RIMS2: variants seen among roughly 807,000 people sequenced by gnomAD.
RIMS2 encodes regulating synaptic membrane exocytosis protein 2.
In RIMS2, 59 loss-of-function variants were observed where a neutral mutation model predicts 174.4. The ratio of observed to expected loss-of-function variants is 0.34; its 90% CI spans 0.27 to 0.42. The LOEUF (loss-of-function observed/expected upper bound fraction) is 0.42, where lower values mean the gene tolerates loss of function less well. RIMS2 is among the 10% of genes least tolerant of loss of function. RIMS2 has a pLI of 1.00. For missense variants in RIMS2, 1,620 were observed against 1,666.3 expected, an observed-to-expected ratio of 0.97 and a Z score of 0.48; for synonymous variants, 606 against 572.5, an observed-to-expected ratio of 1.06 and a Z score of -0.84.
intron 1 of RIMS2, among the ~76,000 whole-genome samples, chr8:103,516,496 C>T (rs892615272): frequency 6.6e-6 from 1 of 151,820 alleles, no homozygotes; most frequent in African/African-American, 2.4e-5. Flanking sequence ...ACGAATGACT[C>T]TCTTGGTAAT....
At chr8:103,819,747 T>A in intron 3 of RIMS2, 1 of 695,580 alleles carries the variant, frequency 1.4e-6, no homozygotes, top group East Asian at 3.0e-5. Context: ...ATCTGTTTAC[T>A]GTAAATATAA....
chr8:103,591,619 A>C (rs1219870797), intron 1 of RIMS2, among the ~76,000 whole-genome samples: 1 of 151,112 alleles, frequency 6.6e-6, no homozygotes, highest in South Asian at 2.1e-4. Flanking sequence ...TCCTTTTAAA[A>C]ATTTTTTCCA....
intron 1 of RIMS2, among the ~76,000 whole-genome samples, chr8:103,633,468 T>C (rs1463108866): frequency 6.6e-6 from 1 of 152,154 alleles, no homozygotes; most frequent in East Asian, 1.9e-4. Flanking sequence ...TTTTATATCA[T>C]GTTCATCAAC....
At chr8:103,820,222 A>G (rs866974823) in intron 3 of RIMS2, among the ~76,000 whole-genome samples, 2 of 152,100 alleles carry the variant, frequency 1.3e-5, no homozygotes, top group Admixed American at 6.6e-5. Context: ...AGGCTGTTAA[A>G]TTATGAACAT....
chr8:104,099,874 TG>T (rs2097840658), intron 19 of RIMS2, among the ~76,000 whole-genome samples: 1 of 151,792 alleles, frequency 6.6e-6, no homozygotes, highest in Admixed American at 6.6e-5. Flanking sequence ...TGGAGTACAG[TG>T]GTGCAATCAT....
intron 1 of RIMS2, among the ~76,000 whole-genome samples, chr8:103,553,569 T>A (rs1366933555): frequency 6.6e-6 from 1 of 151,980 alleles, no homozygotes; most frequent in Non-Finnish European, 1.5e-5. Flanking sequence ...CATGTTGTGC[T>A]CATGTACCTT....
At chr8:104,224,796 A>G (rs2099175337) in intron 19 of RIMS2, among the ~76,000 whole-genome samples, 1 of 151,922 alleles carries the variant, frequency 6.6e-6, no homozygotes, top group Non-Finnish European at 1.5e-5. Context: ...CTGATAGGGG[A>G]GGGGGAAAAG....
intron 3 of RIMS2, among the ~76,000 whole-genome samples, chr8:103,878,719 A>T (rs528931522): frequency 6.6e-6 from 1 of 150,894 alleles, no homozygotes; most frequent in African/African-American, 2.4e-5. Flanking sequence ...TTGTTTGAAA[A>T]TTTTTTTATT....
chr8:103,750,360 T>C (rs1163544866), intron 2 of RIMS2, among the ~76,000 whole-genome samples: 3 of 152,174 alleles, frequency 2.0e-5, no homozygotes, highest in Non-Finnish European at 4.4e-5. Flanking sequence ...TACTATCAGT[T>C]GACAGTTTTC....
chr8:103,899,099 A>G (rs1418758318), intron 4 of RIMS2, among the ~76,000 whole-genome samples: 1 of 151,600 alleles, frequency 6.6e-6, no homozygotes, highest in Non-Finnish European at 1.5e-5. Context: ...TATGTGCCAC[A>G]TTTTCTTAAA....
chr8:103,760,920 A>G (rs1044996251), intron 2 of RIMS2, among the ~76,000 whole-genome samples: 1 of 152,214 alleles, frequency 6.6e-6, no homozygotes, highest in African/African-American at 2.4e-5. Context: ...TTGCCCATCT[A>G]TAAATAAATT....
At chr8:104,093,821 C>T (rs1323441172) in intron 19 of RIMS2, among the ~76,000 whole-genome samples, 178 bp downstream of exon 24, 1 of 151,972 alleles carries the variant, frequency 6.6e-6, no homozygotes, top group Non-Finnish European at 1.5e-5. Context: ...AGACTTCCTG[C>T]ACAGAAGAAA....
chr8:103,637,744 A>G (rs2096123127), intron 1 of RIMS2, among the ~76,000 whole-genome samples: 1 of 152,222 alleles, frequency 6.6e-6, no homozygotes, highest in Non-Finnish European at 1.5e-5. Flanking sequence ...ATACTATTAA[A>G]TAACTGTAGG....
chr8:103,726,193 A>G (rs541117375), intron 2 of RIMS2, among the ~76,000 whole-genome samples: 2 of 152,212 alleles, frequency 1.3e-5, no homozygotes, highest in African/African-American at 4.8e-5. Flanking sequence ...TAAACCCATC[A>G]TAAGTTAAAG....
intron 14 of RIMS2, among the ~76,000 whole-genome samples, chr8:103,950,294 A>G (rs2085031517): frequency 6.6e-6 from 1 of 152,196 alleles, no homozygotes; most frequent in Admixed American, 6.5e-5. Context: ...TTACTCTAAT[A>G]CCAACAACTA....
chr8:104,076,592 CAGTT>C (rs2097296929), intron 19 of RIMS2, among the ~76,000 whole-genome samples: 2 of 152,040 alleles, frequency 1.3e-5, no homozygotes, highest in Non-Finnish European at 2.9e-5. Flanking sequence ...GATATATGGA[CAGTT>C]TGATAATCAC....
At chr8:103,540,307 C>T (rs1291642961) in intron 1 of RIMS2, among the ~76,000 whole-genome samples, 1 of 152,170 alleles carries the variant, frequency 6.6e-6, no homozygotes, top group Non-Finnish European at 1.5e-5. Context: ...ATTGGGTGGA[C>T]CTTAGCAGTC....
intron 1 of RIMS2, among the ~76,000 whole-genome samples, chr8:103,555,248 C>T (rs66801843): frequency 0.12 from 17,661 of 151,886 alleles, 1,368 homozygotes; most frequent in Non-Finnish European, 0.17. Context: ...TATCAATGGC[C>T]AATAGGTATA....
intron 3 of RIMS2, among the ~76,000 whole-genome samples, chr8:103,856,453 T>A (rs557360768): frequency 6.6e-6 from 1 of 152,346 alleles, no homozygotes; most frequent in Non-Finnish European, 1.5e-5. Flanking sequence ...GTGACTTTTA[T>A]ACTGGAATGG....
Sources: gnomAD v4.1 joint callset for allele counts (sites outside exome capture counted in the v4.1 genomes callset) on GRCh38, gnomAD v4.1.1 for gene constraint, MANE v1.5 for transcripts, NCBI Gene and HGNC (gene_info 2026-07-23, HGNC 2026-07-21) for gene names.